The following DMXL1 variants were observed in gnomAD, a reference collection of about 807,000 sequenced individuals.
DMXL1 encodes Dmx like 1.
In DMXL1, 99 loss-of-function variants were observed where a neutral mutation model predicts 319.2. That is an observed-to-expected ratio of 0.31 (90% CI 0.26 to 0.37). The LOEUF (loss-of-function observed/expected upper bound fraction) is 0.37. Among genes scored for constraint, DMXL1 ranks in the 10% least tolerant of loss-of-function variants. The pLI is 1.00. For missense variants in DMXL1, 3,745 were observed against 3,595.6 expected (o/e 1.04, Z -1.06); for synonymous variants, 1,385 against 1,235.2 (o/e 1.12, Z -2.54).
chr5:119,155,838 A>C lies in DMXL1; in HGVS notation c.4702+3802A>C, dbSNP rs193092126. Among the ~76,000 whole-genome samples the C allele has an allele frequency of 2.6e-3, 401 of 151,930 alleles. 3 individuals are homozygous for C. Among genetic ancestry groups the C allele is most frequent in the African/African-American group, 9.1e-3 (376 of 41,432 alleles). On this transcript the variant is annotated intron_variant, in intron 19 of 43. Transcript: ENST00000539542. ...GGAGACCCTGTCTCAAAAAAAAAAA[A>C]AAAAAACAAAACTTCAGCAGATGAG...
intron 1 of DMXL1, among the ~76,000 whole-genome samples, chr5:119,085,980 T>C (rs1168235230): frequency 6.6e-6 from 1 of 152,200 alleles, no homozygotes; most frequent in African/African-American, 2.4e-5. Flanking sequence ...AGGTGATATA[T>C]CACGTTTATT....
intron 35 of DMXL1, among the ~76,000 whole-genome samples, chr5:119,220,113 A>T (rs891818220): frequency 9.3e-5 from 14 of 151,182 alleles, no homozygotes; most frequent in African/African-American, 3.4e-4. Context: ...TATTGCCCTC[A>T]CCTTTCTGTA....
chr5:119,144,705 A>C, intron 15 of DMXL1, 67 bp downstream of exon 15: 1 of 956,634 alleles, frequency 1.0e-6, no homozygotes. Context: ...AATAAAGATG[A>C]ATTGGTAAAA....
chr5:119,101,027 C>T (rs555278362), intron 2 of DMXL1, among the ~76,000 whole-genome samples: 38 of 152,036 alleles, frequency 2.5e-4, no homozygotes, highest in African/African-American at 4.3e-4. Flanking sequence ...ATGATCCTCC[C>T]GCCTCGGCCT....
intron 6 of DMXL1, among the ~76,000 whole-genome samples, chr5:119,115,445 G>A (rs565231759): frequency 3.3e-5 from 5 of 152,086 alleles, no homozygotes; most frequent in Non-Finnish European, 5.9e-5. Flanking sequence ...AGCATTTCAC[G>A]AGCTGCTAAT....
chr5:119,131,510 C>G (rs936478595), intron 10 of DMXL1, among the ~76,000 whole-genome samples: 3 of 152,124 alleles, frequency 2.0e-5, no homozygotes, highest in Non-Finnish European at 2.9e-5. Context: ...AAACCTGGTA[C>G]TTTAGAGATA....
intron 9 of DMXL1, chr5:119,127,985 C>T (rs896795768): frequency 4.9e-6 from 2 of 405,070 alleles, no homozygotes; most frequent in Non-Finnish European, 1.0e-5. Flanking sequence ...ATAAACAACC[C>T]TGCACCCTGT....
Position 119,149,887 on chromosome 5 carries a change from G to T in DMXL1, c.4060G>T (p.Ala1354Ser). 6.2e-7 allele frequency: 1 copy of T among 1,613,930 alleles called. No individual in the cohort carries two copies. Among genetic ancestry groups the T allele is most frequent in the Non-Finnish European group, 8.5e-7 (1 of 1,179,912 alleles). The change falls in exon 18 of 44, where the codon GCT becomes TCT. Residue 1354 changes from alanine to serine, a missense_variant. This residue lies in a region of DMXL1 where 2,096 missense variants were observed against 1,985.4 expected (regional missense o/e 1.06). Transcript: ENST00000539542. ...AILSHLVKCIAGEVVALNEAE... is the reference protein window; with the variant it reads ...AILSHLVKCISGEVVALNEAE... ...CTTGTCCCATCTTGTTAAGTGCATT[G>T]CTGGGGAAGTTGTGGCTCTGAATGA...
intron 29 of DMXL1, among the ~76,000 whole-genome samples, chr5:119,191,002 C>A (rs893949884): frequency 1.5e-4 from 23 of 152,148 alleles, no homozygotes; most frequent in Admixed American, 1.2e-3. Context: ...TGTTTTATTT[C>A]TTTGTATTCC....
intron 1 of DMXL1, among the ~76,000 whole-genome samples, chr5:119,078,165 A>T (rs1039818446): frequency 6.6e-6 from 1 of 152,212 alleles, no homozygotes; most frequent in Admixed American, 6.5e-5. Flanking sequence ...AAGTTTTTAA[A>T]GATGAGGTCT....
intron 29 of DMXL1, 49 bp downstream of exon 29, chr5:119,189,935 G>C: frequency 6.6e-7 from 1 of 1,522,086 alleles, no homozygotes; most frequent in African/African-American, 1.4e-5. Context: ...AAATAGAAAT[G>C]AGAATATCAG....
intron 28 of DMXL1, among the ~76,000 whole-genome samples, chr5:119,185,183 CCT>C (rs1281617469): frequency 6.6e-6 from 1 of 151,952 alleles, no homozygotes; most frequent in Non-Finnish European, 1.5e-5. Flanking sequence ...TACTTCTTCC[CCT>C]GTCACTTTCT....
intron 32 of DMXL1, among the ~76,000 whole-genome samples, chr5:119,202,883 T>TTTATATATATATATATATA (rs1781004815): frequency 6.9e-4 from 49 of 71,520 alleles, no homozygotes; most frequent in African/African-American, 1.7e-3. Flanking sequence ...ATATATATAT[T>TTTATATATATATATATATA]TTTATATATA....
intron 25 of DMXL1, among the ~76,000 whole-genome samples, chr5:119,173,791 T>TATATATATATATATATATATATATATAA (rs1561795642): frequency 3.9e-5 from 5 of 126,970 alleles, no homozygotes; most frequent in Admixed American, 1.7e-4. Context: ...TATATATATA[T>TATATATATATATATATATATATATATAA]ATATATAATG....
intron 28 of DMXL1, among the ~76,000 whole-genome samples, chr5:119,188,218 G>A (rs185853007): frequency 3.3e-5 from 5 of 151,760 alleles, no homozygotes; most frequent in East Asian, 1.9e-4. Flanking sequence ...AACATTGTAC[G>A]TGTTTTTTTT....
At chr5:119,219,847 C>T (rs761583006) in intron 35 of DMXL1, among the ~76,000 whole-genome samples, 2 of 152,086 alleles carry the variant, frequency 1.3e-5, no homozygotes, top group Admixed American at 6.5e-5. Context: ...GGATTATAGA[C>T]GTGAGCCACT....
At chr5:119,090,314 C>T (rs185092003) in intron 1 of DMXL1, among the ~76,000 whole-genome samples, 2 of 151,860 alleles carry the variant, frequency 1.3e-5, no homozygotes, top group East Asian at 1.9e-4. Flanking sequence ...AGCCACTGTG[C>T]CCGGCCACTT....
At chr5:119,181,764 A>T (rs577762908) in intron 28 of DMXL1, among the ~76,000 whole-genome samples, 2 of 152,264 alleles carry the variant, frequency 1.3e-5, no homozygotes, top group African/African-American at 4.8e-5. Context: ...GTGAGCTGAG[A>T]TTGCGCCACT....
At chr5:119,193,375 C>G (rs1232924443) in intron 29 of DMXL1, among the ~76,000 whole-genome samples, 1 of 152,140 alleles carries the variant, frequency 6.6e-6, no homozygotes, top group Non-Finnish European at 1.5e-5. Flanking sequence ...TTTCTTCCCT[C>G]TTATTATATG....
Sources: gnomAD v4.1 joint callset for allele counts (sites outside exome capture counted in the v4.1 genomes callset) on GRCh38, gnomAD v4.1.1 for gene constraint, gnomAD v4.1.1 regional missense constraint, MANE v1.5 for transcripts, NCBI Gene and HGNC (gene_info 2026-07-23, HGNC 2026-07-21) for gene names.